Variants in PCNX2 observed in about 807,000 individuals in gnomAD.
PCNX2 encodes pecanex 2.
PCNX2 carries 168 observed loss-of-function variants against 223.8 expected under a neutral mutation model. The ratio of observed to expected loss-of-function variants is 0.75; its 90% CI spans 0.66 to 0.85. PCNX2 has a LOEUF of 0.85. Among genes scored for constraint, PCNX2 ranks in the 40% least tolerant of loss-of-function variants. The pLI, the probability that PCNX2 is intolerant of heterozygous loss-of-function variation, is 0.00. For missense variants in PCNX2, 2,507 were observed against 2,675.5 expected (o/e 0.94, Z 1.39); for synonymous variants, 1,006 against 1,052.6 (o/e 0.96, Z 0.86).
At chr1:233,086,911 G>C (rs1363794758) in intron 23 of PCNX2, 1 of 626,394 alleles carries the variant, frequency 1.6e-6, no homozygotes. Flanking sequence ...AGAGTGACAA[G>C]CTGAGAGCTG....
At chr1:233,165,391 T>C (rs1393732959) in intron 17 of PCNX2, among the ~76,000 whole-genome samples, 2 of 152,156 alleles carry the variant, frequency 1.3e-5, no homozygotes, top group Admixed American at 1.3e-4. Flanking sequence ...TGCCATTTGG[T>C]GGCTAGAGAC....
At chr1:233,130,311 C>G (rs1315120979) in intron 21 of PCNX2, among the ~76,000 whole-genome samples, 1 of 152,028 alleles carries the variant, frequency 6.6e-6, no homozygotes, top group South Asian at 2.1e-4. Flanking sequence ...CCCCTCAACC[C>G]CCCCACCCAC....
chr1:233,102,149 T>C (rs1258366649), intron 21 of PCNX2, among the ~76,000 whole-genome samples: 2 of 151,630 alleles, frequency 1.3e-5, no homozygotes, highest in Non-Finnish European at 2.9e-5. Flanking sequence ...TTTCTGTGCC[T>C]GGTTTATCTC....
At chr1:233,287,347 G>A (rs1203405628) in intron 1 of PCNX2, among the ~76,000 whole-genome samples, 2 of 152,140 alleles carry the variant, frequency 1.3e-5, no homozygotes, top group African/African-American at 4.8e-5. Context: ...GTATGGTTTG[G>A]CTGTGTCCCC....
chr1:233,300,057 G>A (rs1162483065), upstream of PCNX2, among the ~76,000 whole-genome samples: 2 of 151,998 alleles, frequency 1.3e-5, no homozygotes, highest in Admixed American at 1.3e-4. Flanking sequence ...TTCTTCATGA[G>A]TCTACACCTT....
chr1:233,138,294 A>G (rs993703302), intron 20 of PCNX2, among the ~76,000 whole-genome samples: 1 of 152,192 alleles, frequency 6.6e-6, no homozygotes, highest in Non-Finnish European at 1.5e-5. Context: ...TCTCTGAATT[A>G]TTTATTTGAC....
intron 25 of PCNX2, among the ~76,000 whole-genome samples, chr1:233,030,717 G>A (rs1671233830): frequency 6.6e-6 from 1 of 152,178 alleles, no homozygotes; most frequent in Non-Finnish European, 1.5e-5. Flanking sequence ...TTCCCAAGAT[G>A]TTCAGCAAGG....
rs1468901599 is a variant in PCNX2, at chr1:233,227,090, A to ATTG, written c.2504+135_2504+136insCAA. 1.2e-4 allele frequency: 131 copies of ATTG among 1,049,668 alleles called. No homozygotes were observed. The African/African-American group carries it at 2.1e-3, about 17-fold the overall frequency. 65.0% of individuals were successfully genotyped at this position (1,049,668 alleles called of 1,614,324 possible). ...TTGTTGTCAGGATCTTTTTGCTTTA[A>ATTG]CTTTGGGTTGTCAGCAAAGGAAGCG... On this transcript the variant is annotated intron_variant, in intron 10 of 33. Transcript: ENST00000258229.
At position 233,160,295 on chromosome 1, in the gene PCNX2, G is replaced by A. The variant is rs150235720; in HGVS notation, c.3505C>T (p.Arg1169Trp). 2,932 of 1,604,992 alleles carry A rather than the reference G, an allele frequency of 1.8e-3. 9 individuals are homozygous for A. The highest frequency in any genetic ancestry group is 2.2e-3 in the South Asian group (196 of 90,420). Residue 1169 changes from arginine (R) to tryptophan (W), a missense_variant, in exon 19 of 34, where the codon CGG becomes TGG. By Grantham distance (101) the Arg-to-Trp change is moderately radical. This residue lies in a region of PCNX2 where 1,372 missense variants were observed against 1,509.4 expected (regional missense o/e 0.91). Coordinates refer to ENST00000258229, the MANE Select transcript of PCNX2 (RefSeq NM_014801.4). ...ATATATTACTAACCTCTCACTTCCCGTTGATGATACTCTTTGTTTTTGAGA... is the reference window on the plus strand; with the variant it reads ...ATATATTACTAACCTCTCACTTCCCATTGATGATACTCTTTGTTTTTGAGA... Reference protein sequence around the residue: ...PILKNKEYHQREVRDVAHLMW... With the variant: ...PILKNKEYHQWEVRDVAHLMW...
At chr1:233,319,237 G>A in the PCNX2 span, among the ~76,000 whole-genome samples, 1 of 152,072 alleles carries the variant, frequency 6.6e-6, no homozygotes, top group Non-Finnish European at 1.5e-5. Context: ...ACCCCCCCAT[G>A]GTTTTGAACT....
chr1:233,021,356 CA>C (rs1292498466), intron 26 of PCNX2, among the ~76,000 whole-genome samples: 1 of 152,166 alleles, frequency 6.6e-6, no homozygotes, highest in African/African-American at 2.4e-5. Context: ...GTAGTAGCTC[CA>C]AAGCCTACTT....
In PCNX2 at chr1:233,259,292, A is replaced by C; in HGVS notation, c.570T>G (p.Pro190=). Residue 190 remains proline (P), a synonymous_variant, in exon 5 of 34, where the codon CCT becomes CCG. Coordinates refer to ENST00000258229, the MANE Select transcript of PCNX2 (RefSeq NM_014801.4). ...CAGGTAAGCTTTCCACTTTGATACC[A>C]GGTGAGGTAGATGACACTGGTGCTA... ...HPIAPVSSTS[P]GIKVESLPAS... 1.9e-6 allele frequency: 3 copies of C among 1,613,934 alleles called. No individual in the cohort carries two copies. Among genetic ancestry groups the C allele is most frequent in the Admixed American group, 3.3e-5 (2 of 60,014 alleles).
rs564012821 is a variant in PCNX2 at position 233,281,900 on chromosome 1, A to G, written c.153+13426T>C. 2.0e-5 allele frequency among the ~76,000 whole-genome samples: 3 copies of G among 152,254 alleles called. No homozygotes were observed. In the South Asian group the frequency reaches 6.2e-4, roughly 32 times the overall value. On this transcript the variant is annotated intron_variant, in intron 1 of 33. Coordinates refer to ENST00000258229, the MANE Select transcript of PCNX2 (RefSeq NM_014801.4). Reference sequence around the variant, plus strand: ...GTATAAAGCACCATTCCAAGGACCAATGGGGATTCAAATCACAGCCCTACT... The same window carrying G: ...GTATAAAGCACCATTCCAAGGACCAGTGGGGATTCAAATCACAGCCCTACT...
At chr1:233,163,652 C>G (rs1678628934) in intron 17 of PCNX2, among the ~76,000 whole-genome samples, 1 of 151,476 alleles carries the variant, frequency 6.6e-6, no homozygotes, top group Non-Finnish European at 1.5e-5. Context: ...ACTAGCACAT[C>G]CATTACACCC....
intron 19 of PCNX2, among the ~76,000 whole-genome samples, chr1:233,147,112 G>T (rs192718942): frequency 4.0e-4 from 61 of 152,166 alleles, no homozygotes; most frequent in African/African-American, 1.4e-3. Context: ...TACCTGGGGG[G>T]TGTGTGTGTG....
chr1:233,177,556 A>T (rs1228756715), intron 17 of PCNX2, among the ~76,000 whole-genome samples: 1 of 152,202 alleles, frequency 6.6e-6, no homozygotes, highest in Non-Finnish European at 1.5e-5. Context: ...AAGTATAAAA[A>T]TGGCCTTGCT....
At chr1:233,057,019 T>C (rs1672215795) in intron 24 of PCNX2, among the ~76,000 whole-genome samples, 1 of 152,090 alleles carries the variant, frequency 6.6e-6, no homozygotes. Flanking sequence ...CTGAGCAAGG[T>C]CCTAATCAAT....
intron 8 of PCNX2, among the ~76,000 whole-genome samples, chr1:233,242,842 T>A (rs1232709280): frequency 6.6e-6 from 1 of 152,222 alleles, no homozygotes; most frequent in Non-Finnish European, 1.5e-5. Flanking sequence ...TTAGTTCATT[T>A]TGGCTCTGAA....
At chr1:233,221,191 AT>A (rs71173258) in intron 10 of PCNX2, among the ~76,000 whole-genome samples, 96,071 of 150,768 alleles carry the variant, frequency 0.64, 30,729 homozygotes, top group East Asian at 0.78. Context: ...CTCAAGTTGA[AT>A]TTTTTTTTTT....
Sources: allele counts gnomAD v4.1 joint callset (sites outside exome capture counted in the v4.1 genomes callset), GRCh38; gene constraint gnomAD v4.1.1; regional missense constraint gnomAD v4.1.1; transcripts MANE v1.5; gene names NCBI Gene and HGNC (gene_info 2026-07-23, HGNC 2026-07-21).